LMNB2: variants seen among roughly 807,000 people sequenced by gnomAD.
LMNB2 encodes the protein lamin B2.
LMNB2 carries 17 observed loss-of-function variants against 69.3 expected under a neutral mutation model. The observed-to-expected ratio is 0.25, with a 90% CI of 0.17 to 0.37. The LOEUF (loss-of-function observed/expected upper bound fraction) is 0.37. Among genes scored for constraint, LMNB2 ranks in the 10% least tolerant of loss-of-function variants. LMNB2 has a pLI of 1.00. For synonymous variants in LMNB2, 397 were observed against 389.3 expected, an observed-to-expected ratio of 1.02 and a Z score of -0.23; for missense variants, 789 against 883.6, an observed-to-expected ratio of 0.89 and a Z score of 1.36.
At chr19:2,433,754 G>A (rs1401488879) in intron 8 of LMNB2, 72 bp downstream of exon 8, 12 of 1,580,242 alleles carry the variant, frequency 7.6e-6, no homozygotes, top group Middle Eastern at 1.7e-4. Context: ...CGGCAGCCCC[G>A]TCACCCTGAC....
intron 4 of LMNB2, among the ~76,000 whole-genome samples, chr19:2,436,226 T>C (rs1428627555): frequency 1.3e-5 from 2 of 152,116 alleles, no homozygotes; most frequent in African/African-American, 4.8e-5. Flanking sequence ...GAGGTTGCAG[T>C]GAGCTGAGAT....
At chr19:2,450,121 C>CACATATATATAT (rs1555684456) in intron 1 of LMNB2, among the ~76,000 whole-genome samples, 18 of 142,424 alleles carry the variant, frequency 1.3e-4, no homozygotes, top group African/African-American at 4.7e-4. Flanking sequence ...TATATATACA[C>CACATATATATAT]ATATATATAT....
intron 11 of LMNB2, 147 bp downstream of exon 11, chr19:2,431,401 A>AC: frequency 2.9e-6 from 3 of 1,018,926 alleles, no homozygotes; most frequent in Non-Finnish European, 3.0e-6. Context: ...CGTGCTGGTA[A>AC]CAGCCAAGGC....
chr19:2,456,538 C>T, intron 1 of LMNB2, 132 bp downstream of exon 1: 2 of 1,014,698 alleles, frequency 2.0e-6, no homozygotes, highest in Non-Finnish European at 2.6e-6. Context: ...CCCCCGAAAC[C>T]CCGCGGAAAC....
At chr19:2,437,793 C>G (rs572477961) in intron 4 of LMNB2, among the ~76,000 whole-genome samples, 2 of 66,814 alleles carry the variant, frequency 3.0e-5, no homozygotes, top group East Asian at 9.6e-4. Context: ...GAGTGAAACT[C>G]CATCTCAAAA....
chr19:2,434,755 G>A (rs1971798582), intron 6 of LMNB2, 33 bp downstream of exon 6: 3 of 1,585,862 alleles, frequency 1.9e-6, no homozygotes, highest in Admixed American at 1.8e-5. Context: ...GTTGGGCCAG[G>A]GGGACGGCAG....
Position 2,438,174 on chromosome 19 carries a change from C to A in LMNB2, c.673G>T (p.Val225Leu). The change falls in exon 4 of 12, where the codon GTG becomes TTG. Residue 225 changes from valine (V) to leucine (L), a missense_variant. By Grantham distance (32) the Val-to-Leu change is conservative (BLOSUM62 1). Coordinates refer to ENST00000325327, the MANE Select transcript of LMNB2 (RefSeq NM_032737.4). ...LQEELDFRKS[V>L]FEEEVRETRR... is the part of the protein sequence containing the mutation. ...GGCCACTCACTCACCTCCTCGAACA[C>A]ACTCTTCCGGAAGTCCAGCTCCTCC... is the stretch of plus-strand genomic sequence containing the variant. 3 of 1,613,994 alleles carry A rather than the reference C, an allele frequency of 1.9e-6. No individual in the cohort carries two copies. Among genetic ancestry groups the A allele is most frequent in the Non-Finnish European group, 2.5e-6 (3 of 1,180,032 alleles).
chr19:2,452,675 G>A (rs145269296), intron 1 of LMNB2, among the ~76,000 whole-genome samples: 4,578 of 145,842 alleles, frequency 0.031, 250 homozygotes, highest in African/African-American at 0.11. Flanking sequence ...GCAGTCAGCC[G>A]AGATCACACC....
intron 1 of LMNB2, among the ~76,000 whole-genome samples, chr19:2,455,486 G>T (rs917484271): frequency 2.6e-5 from 4 of 152,074 alleles, no homozygotes; most frequent in Non-Finnish European, 5.9e-5. Flanking sequence ...AATACTCAGG[G>T]AGCCCCCAAA....
At chr19:2,438,315 T>C (rs927793112) in intron 3 of LMNB2, 27 bp from the exon 4 acceptor site, 10 of 1,613,662 alleles carry the variant, frequency 6.2e-6, no homozygotes, top group African/African-American at 2.7e-5. Flanking sequence ...AGCGAGCTGG[T>C]GTGACAATCT....
intron 11 of LMNB2, 75 bp downstream of exon 11, chr19:2,431,473 A>G: frequency 1.3e-6 from 2 of 1,599,232 alleles, no homozygotes; most frequent in Admixed American, 3.3e-5. Flanking sequence ...GCCAGCACGC[A>G]TGTGTATGTG....
rs4806848 is a variant in LMNB2, at chr19:2,444,567, C to T, written c.265-27G>A. 322,779 of 1,603,648 alleles carry T rather than the reference C, an allele frequency of 0.2. 33,002 individuals are homozygous for T. The highest frequency in any genetic ancestry group is 0.22 in the African/African-American group (16,210 of 75,006). On this transcript the variant is annotated intron_variant, in intron 1 of 11. Transcript: ENST00000325327. ...TGGGGAGACCCAGGACAGGGTGAAG[C>T]GAGAGGGACCCTTCCCCTTGGACTA... is the stretch of plus-strand genomic sequence containing the variant.
chr19:2,430,290 G>T lies in LMNB2; in HGVS notation c.*621C>A. Reference sequence around the variant, plus strand: ...CTCCCCCAAATAAAGTCAACGGTCCGAGAAACCCGGCCGGTGCGCTGCCAG... The same window carrying T: ...CTCCCCCAAATAAAGTCAACGGTCCTAGAAACCCGGCCGGTGCGCTGCCAG... On this transcript the variant is annotated 3_prime_UTR_variant, in exon 12 of 12. Transcript: ENST00000325327. The T allele has an allele frequency of 5.8e-6, 1 of 173,562 alleles. No individual in the cohort carries two copies. The allele number at this position is 173,562 out of a possible 1,614,324, so 10.8% of individuals were successfully genotyped here.
At chr19:2,438,719 C>T (rs1213658516) in intron 2 of LMNB2, among the ~76,000 whole-genome samples, 188 bp from the exon 3 acceptor site, 1 of 152,232 alleles carries the variant, frequency 6.6e-6, no homozygotes, top group African/African-American at 2.4e-5. Flanking sequence ...ATCATCTGCC[C>T]TGCACTGTCA....
At chr19:2,431,202 A>G (rs1568200401) in intron 11 of LMNB2, among the ~76,000 whole-genome samples, 1 of 152,174 alleles carries the variant, frequency 6.6e-6, no homozygotes, top group Non-Finnish European at 1.5e-5. Context: ...TTCTGCACTC[A>G]TCTTCTCCCC....
At chr19:2,449,550 C>T (rs574111428) in intron 1 of LMNB2, among the ~76,000 whole-genome samples, 46 of 152,256 alleles carry the variant, frequency 3.0e-4, no homozygotes, top group Admixed American at 8.5e-4. Flanking sequence ...GAGGCTGAGG[C>T]GGGCGAATTA....
Position 2,428,834 on chromosome 19 carries a change from A to G in LMNB2, c.*2077T>C, listed in dbSNP as rs1336569413. 2 of 152,164 alleles carry G rather than the reference A, an allele frequency of 1.3e-5. No homozygotes were observed. Among genetic ancestry groups the G allele is most frequent in the East Asian group, 1.9e-4 (1 of 5,198 alleles). 9.4% of individuals were successfully genotyped at this position (152,164 alleles called of 1,614,324 possible). On this transcript the variant is annotated 3_prime_UTR_variant, in exon 12 of 12. Transcript: ENST00000325327. ...AGACTCAATTCTCAATGAACCTCCA[A>G]TTACCCACAGGCTGCCCAGTCCACG...
intron 1 of LMNB2, among the ~76,000 whole-genome samples, chr19:2,455,277 C>T (rs1274988062): frequency 1.3e-5 from 2 of 151,884 alleles, no homozygotes; most frequent in Non-Finnish European, 2.9e-5. Flanking sequence ...ACCCCCCACA[C>T]ACCCCATCTT....
At chr19:2,431,519 C>A (rs1346189564) in intron 11 of LMNB2, 29 bp downstream of exon 11, 5 of 1,613,934 alleles carry the variant, frequency 3.1e-6, no homozygotes, top group Non-Finnish European at 4.2e-6. Flanking sequence ...AGGCTGCCCC[C>A]CAGCCGCAAG....
Sources: allele counts gnomAD v4.1 joint callset (sites outside exome capture counted in the v4.1 genomes callset), GRCh38; gene constraint gnomAD v4.1.1; transcripts MANE v1.5; gene names NCBI Gene and HGNC (gene_info 2026-07-23, HGNC 2026-07-21).